Variants in ANK3 observed in about 807,000 individuals in gnomAD.
ANK3 encodes ankyrin 3.
ANK3 carries 57 observed loss-of-function variants against 370.9 expected under a neutral mutation model. The observed-to-expected ratio is 0.15, with a 90% CI of 0.12 to 0.19. The LOEUF is 0.19. Among genes scored for constraint, ANK3 ranks in the 10% least tolerant of loss-of-function variants. The pLI is 1.00. For missense variants in ANK3, 4,439 were observed against 5,302.1 expected, an observed-to-expected ratio of 0.84 and a Z score of 5.06; for synonymous variants, 1,929 against 1,946.3, an observed-to-expected ratio of 0.99 and a Z score of 0.23.
intron 7 of ANK3, among the ~76,000 whole-genome samples, chr10:60,236,127 T>C (rs946982086): frequency 6.6e-6 from 1 of 152,174 alleles, no homozygotes; most frequent in African/African-American, 2.4e-5. Context: ...TTAGCCAATA[T>C]TATTTCTTTT....
intron 28 of ANK3, among the ~76,000 whole-genome samples, chr10:60,101,502 ATGTT>A (rs147447760): frequency 0.027 from 4,161 of 151,766 alleles, 189 homozygotes; most frequent in African/African-American, 0.092. Flanking sequence ...GGGGGAATGA[ATGTT>A]TGTTTTCTGT....
chr10:60,533,473 T>C (rs1405552534), intron 2 of ANK3, among the ~76,000 whole-genome samples: 1 of 152,142 alleles, frequency 6.6e-6, no homozygotes, highest in Non-Finnish European at 1.5e-5. Context: ...CCTCCACACA[T>C]GCCAGTAACT....
chr10:60,442,321 C>G, intron 2 of ANK3, among the ~76,000 whole-genome samples: 1 of 152,024 alleles, frequency 6.6e-6, no homozygotes, highest in East Asian at 1.9e-4. Flanking sequence ...ATCTCAAACT[C>G]CTGACCTCAG....
At position 60,264,025 on chromosome 10, in the gene ANK3, A is replaced by G; in HGVS notation, c.514-5T>C. The G allele has an allele frequency of 6.2e-7, 1 of 1,613,292 alleles. No individual in the cohort carries two copies. The highest frequency in any genetic ancestry group is 1.1e-5 in the South Asian group (1 of 91,048). On this transcript the variant is annotated splice_polypyrimidine_tract_variant and splice_region_variant and intron_variant, in intron 5 of 43. Transcript: ENST00000280772. ...TGCCAATGGTGTGAAGCCATCCTGC[A>G]AATAAATGGATGGGTCAAGATGGGC...
rs201712669 is a variant in ANK3 at position 60,080,634 on chromosome 10, A to G, written c.4351-16T>C. ...TTTTCTCAATCTGAAAAGGAAAAAA[A>G]AAAAGACAACTCTATTTCCAACTTC... On this transcript the variant is annotated splice_polypyrimidine_tract_variant and intron_variant, in intron 35 of 43. Coordinates refer to ENST00000280772, the MANE Select transcript of ANK3 (RefSeq NM_020987.5). 1 of 1,572,890 alleles carries G rather than the reference A, an allele frequency of 6.4e-7. No homozygotes were observed.
intron 1 of ANK3, among the ~76,000 whole-genome samples, chr10:60,710,125 C>A (rs2079682939): frequency 6.6e-6 from 1 of 152,052 alleles, no homozygotes; most frequent in African/African-American, 2.4e-5. Flanking sequence ...ATTGCACTAA[C>A]CAGAGTGAAA....
chr10:60,278,520 A>G (rs867938457), intron 4 of ANK3, among the ~76,000 whole-genome samples: 54 of 152,160 alleles, frequency 3.5e-4, no homozygotes, highest in African/African-American at 1.1e-3. Context: ...GATTACAGAC[A>G]CCATGATGCC....
intron 1 of ANK3, among the ~76,000 whole-genome samples, chr10:60,377,200 A>C (rs2060904144): frequency 6.6e-6 from 1 of 152,214 alleles, no homozygotes; most frequent in Non-Finnish European, 1.5e-5. Context: ...AGCAGGGAAC[A>C]GTGTGGGGAT....
intron 30 of ANK3, among the ~76,000 whole-genome samples, chr10:60,085,890 C>T (rs1589774469): frequency 6.6e-6 from 1 of 152,204 alleles, no homozygotes; most frequent in East Asian, 1.9e-4. Context: ...GCTGGGATTA[C>T]AGGCGTGAGC....
intron 8 of ANK3, among the ~76,000 whole-genome samples, chr10:60,218,015 C>A (rs2096968905): frequency 6.6e-6 from 1 of 151,576 alleles, no homozygotes; most frequent in African/African-American, 2.4e-5. Flanking sequence ...TAATACCCTT[C>A]TTTTTCTTTT....
intron 23 of ANK3, among the ~76,000 whole-genome samples, chr10:60,144,607 C>G (rs1024524650): frequency 3.9e-5 from 6 of 152,152 alleles, no homozygotes; most frequent in African/African-American, 1.4e-4. Flanking sequence ...CTAGTCCTCC[C>G]TACATCATGA....
At chr10:60,547,547 G>A (rs1229206686) in intron 2 of ANK3, among the ~76,000 whole-genome samples, 2 of 151,874 alleles carry the variant, frequency 1.3e-5, no homozygotes, top group Non-Finnish European at 2.9e-5. Flanking sequence ...ATACAGGTAT[G>A]CGCCACCACG....
intron 2 of ANK3, among the ~76,000 whole-genome samples, chr10:60,414,669 T>C (rs1240744034): frequency 6.6e-6 from 1 of 151,984 alleles, no homozygotes; most frequent in African/African-American, 2.4e-5. Context: ...CAGAGAAGGG[T>C]AGATGGTTCA....
intron 25 of ANK3, among the ~76,000 whole-genome samples, chr10:60,122,794 T>G (rs10740010): frequency 0.7 from 106,115 of 152,088 alleles, 37,832 homozygotes; most frequent in East Asian, 0.93. Context: ...TCATTTATGG[T>G]GGAAAACAGC....
intron 1 of ANK3, among the ~76,000 whole-genome samples, chr10:60,382,947 T>C (rs1449592671): frequency 6.6e-6 from 1 of 152,000 alleles, no homozygotes; most frequent in Non-Finnish European, 1.5e-5. Context: ...AAATGATTTA[T>C]TAAAATTTGA....
chr10:60,682,869 G>C (rs2079214967), intron 1 of ANK3, among the ~76,000 whole-genome samples: 1 of 152,176 alleles, frequency 6.6e-6, no homozygotes, highest in South Asian at 2.1e-4. Context: ...GTTTCCCTGA[G>C]CTCTGTCAGC....
chr10:60,696,405 G>A (rs1449246344), intron 1 of ANK3, among the ~76,000 whole-genome samples: 2 of 150,244 alleles, frequency 1.3e-5, no homozygotes, highest in Non-Finnish European at 3.0e-5. Flanking sequence ...CATTTTATGA[G>A]GCCAGCATCA....
chr10:60,598,773 G>A (rs1479692540), intron 2 of ANK3, among the ~76,000 whole-genome samples: 1 of 152,056 alleles, frequency 6.6e-6, no homozygotes, highest in Non-Finnish European at 1.5e-5. Context: ...TGACATAAAA[G>A]CAATTCATAG....
At chr10:60,160,908 A>C (rs887822200) in intron 23 of ANK3, among the ~76,000 whole-genome samples, 3 of 152,186 alleles carry the variant, frequency 2.0e-5, no homozygotes, top group Non-Finnish European at 2.9e-5. Flanking sequence ...TAAAAGCTGT[A>C]AACAACAGGC....
Sources: gnomAD v4.1 joint callset for allele counts (sites outside exome capture counted in the v4.1 genomes callset) on GRCh38, gnomAD v4.1.1 for gene constraint, MANE v1.5 for transcripts, NCBI Gene and HGNC (gene_info 2026-07-23, HGNC 2026-07-21) for gene names.